Variants in APPL1 observed in about 807,000 individuals in gnomAD.
APPL1 encodes DCC-interacting protein 13-alpha.
A neutral mutation model predicts 106.8 loss-of-function variants in APPL1; 42 were observed. The observed-to-expected ratio is 0.39, with a 90% CI of 0.31 to 0.51. The LOEUF (loss-of-function observed/expected upper bound fraction) is 0.51, where lower values mean the gene tolerates loss of function less well. Among genes scored for constraint, APPL1 ranks in the 20% least tolerant of loss-of-function variants. APPL1 has a pLI of 0.75. For missense variants in APPL1, 769 were observed against 858.2 expected (o/e 0.90, Z 1.30); for synonymous variants, 263 against 281.8 (o/e 0.93, Z 0.67).
At position 57,270,639 on chromosome 3, in the gene APPL1, G is replaced by A. The variant is rs892378767; in HGVS notation, c.*952G>A. 6.6e-6 allele frequency: 1 copy of A among 152,538 alleles called. No individual in the cohort carries two copies. Among genetic ancestry groups the A allele is most frequent in the African/African-American group, 2.4e-5 (1 of 41,432 alleles). The allele number at this position is 152,538 out of a possible 1,614,324, so 9.4% of individuals were successfully genotyped here. ...GTAAAAATTCCCAGAGTTTAGTTTA[G>A]AAAATGTAATCTTTTAAATTTCAGA... On this transcript the variant is annotated 3_prime_UTR_variant, in exon 22 of 22. Coordinates refer to ENST00000288266, the MANE Select transcript of APPL1 (RefSeq NM_012096.3).
rs374776755 is a variant in APPL1 at position 57,256,976 on chromosome 3, A to G, written c.1172A>G (p.Asn391Ser). 2 of 1,614,024 alleles carry G rather than the reference A, an allele frequency of 1.2e-6. No homozygotes were observed. The highest frequency in any genetic ancestry group is 2.7e-5 in the African/African-American group (2 of 74,914). ...ENPEETAARV[N>S]QSALEAVTPS... ...AAATAGGAAACTGCTGCACGAGTAA[A>G]TCAATCAGCTCTGGAAGCTGTCACT... The change falls in exon 14 of 22, where the codon AAT becomes AGT. Residue 391 changes from asparagine (N) to serine (S), a missense_variant. Coordinates refer to ENST00000288266, the MANE Select transcript of APPL1 (RefSeq NM_012096.3).
intron 7 of APPL1, among the ~76,000 whole-genome samples, chr3:57,243,928 A>G (rs551715974): frequency 6.6e-6 from 1 of 152,288 alleles, no homozygotes; most frequent in East Asian, 1.9e-4. Context: ...TTGGGGGAAC[A>G]ACATGAATAG....
intron 1 of APPL1, among the ~76,000 whole-genome samples, chr3:57,232,726 G>T (rs747578452): frequency 1.1e-4 from 16 of 152,088 alleles, no homozygotes; most frequent in South Asian, 6.2e-4. Flanking sequence ...TCATGGGCCC[G>T]GTGCGGTGGC....
At chr3:57,236,777 T>C (rs1426025342) in intron 2 of APPL1, among the ~76,000 whole-genome samples, 1 of 152,238 alleles carries the variant, frequency 6.6e-6, no homozygotes, top group Non-Finnish European at 1.5e-5. Context: ...AATTTGAAGC[T>C]ATGTTTGGAT....
Position 57,227,821 on chromosome 3 carries a change from G to A in APPL1, c.-63G>A, listed in dbSNP as rs1393136304. 7.3e-7 allele frequency: 1 copy of A among 1,363,850 alleles called. No individual in the cohort carries two copies. Among genetic ancestry groups the A allele is most frequent in the Non-Finnish European group, 9.7e-7 (1 of 1,035,434 alleles). The allele number at this position is 1,363,850 out of a possible 1,614,324, so 84.5% of individuals were successfully genotyped here. A position where few individuals can be genotyped will look rare whatever the true frequency, so the allele number is the denominator to read the frequency against. On this transcript the variant is annotated 5_prime_UTR_variant, in exon 1 of 22. Transcript: ENST00000288266. Reference sequence around the variant, plus strand: ...CGGGCCGGGGTCAGCTGCGGCGGGCGGGCCGGCGCGGGGAGCTGTGGGCGG... The same window carrying A: ...CGGGCCGGGGTCAGCTGCGGCGGGCAGGCCGGCGCGGGGAGCTGTGGGCGG...
chr3:57,263,326 C>A (rs2060877481), intron 19 of APPL1, among the ~76,000 whole-genome samples: 1 of 152,010 alleles, frequency 6.6e-6, no homozygotes, highest in Admixed American at 6.6e-5. Context: ...TGACCGTAGT[C>A]CCCCGTTCTA....
At chr3:57,267,816 GCA>G in intron 20 of APPL1, 24 bp downstream of exon 20, 1 of 1,612,232 alleles carries the variant, frequency 6.2e-7, no homozygotes, top group Non-Finnish European at 8.5e-7. Flanking sequence ...ATGTGGCTGG[GCA>G]CAGTGGTTCA....
In APPL1 at chr3:57,237,539, A is replaced by T; in HGVS notation, c.201A>T (p.Glu67Asp). The change falls in exon 3 of 22, where the codon GAA (glutamate) becomes GAT (aspartate). Residue 67 changes from glutamate (E) to aspartate (D), a missense_variant. Glu to Asp is a conservative substitution (Grantham distance 45). Transcript: ENST00000288266. ...ATHLTSKLLKEYEKQRFPLGG... is the reference protein window; with the variant it reads ...ATHLTSKLLKDYEKQRFPLGG... ...ACCTGACCTCAAAACTTTTAAAAGA[A>T]TATGAAAAACAGGTATTGTATATCA... 3 of 1,598,884 alleles carry T rather than the reference A, an allele frequency of 1.9e-6. No individual in the cohort carries two copies. Among genetic ancestry groups the T allele is most frequent in the Non-Finnish European group, 2.6e-6 (3 of 1,171,524 alleles).
chr3:57,227,744 G>T lies in APPL1; in HGVS notation c.-140G>T. ...GGGATTTCCCGCACGGCCGCTCGGCGCCTGGAGAAGGCTGTGCGGGCGGGG... is the reference window on the plus strand; with the variant it reads ...GGGATTTCCCGCACGGCCGCTCGGCTCCTGGAGAAGGCTGTGCGGGCGGGG... On this transcript the variant is annotated 5_prime_UTR_variant, in exon 1 of 22. Transcript: ENST00000288266. 3.0e-6 allele frequency: 2 copies of T among 663,766 alleles called. No homozygotes were observed. Among genetic ancestry groups the T allele is most frequent in the Non-Finnish European group, 4.3e-6 (2 of 467,712 alleles). 41.1% of individuals were successfully genotyped at this position (663,766 alleles called of 1,614,324 possible).
chr3:57,260,032 C>T lies in APPL1; in HGVS notation c.1658+13C>T, dbSNP rs1463835702. ...GTGACTGTTTAAAGTAAGTAAAACCCTCCCTTAAAAAACTGTAGAAAAAAC... is the reference window on the plus strand; with the variant it reads ...GTGACTGTTTAAAGTAAGTAAAACCTTCCCTTAAAAAACTGTAGAAAAAAC... On this transcript the variant is annotated intron_variant, in intron 17 of 21. Coordinates refer to ENST00000288266, the MANE Select transcript of APPL1 (RefSeq NM_012096.3). 2.5e-6 allele frequency: 4 copies of T among 1,609,406 alleles called. No homozygotes were observed. The highest frequency in any genetic ancestry group is 1.7e-5 in the Admixed American group (1 of 58,486).
intron 2 of APPL1, 148 bp downstream of exon 2, chr3:57,235,812 G>T: frequency 1.8e-6 from 1 of 557,638 alleles, no homozygotes; most frequent in Non-Finnish European, 3.3e-6. Flanking sequence ...AATGAACATT[G>T]AGTGTATTAC....
chr3:57,250,006 G>T (rs948597770), intron 11 of APPL1, among the ~76,000 whole-genome samples: 1 of 152,190 alleles, frequency 6.6e-6, no homozygotes, highest in Non-Finnish European at 1.5e-5. Context: ...AAATTGTTGT[G>T]AGGAACAGAA....
At chr3:57,254,710 T>C (rs1159378524) in intron 13 of APPL1, among the ~76,000 whole-genome samples, 47 of 152,278 alleles carry the variant, frequency 3.1e-4, no homozygotes, top group African/African-American at 1.0e-3. Flanking sequence ...CTGCAGCCTC[T>C]GCCTCCCGGG....
Position 57,257,383 on chromosome 3 carries a change from GT to G in APPL1, c.1386del (p.Cys462TrpfsTer51). ...PIQFDIISPV[C>X]EDQPGQAKAF... Reference sequence around the variant, plus strand: ...CAGTTTGACATAATTTCTCCTGTGTGTGAAGATCAGCCTGGCCAGGCAAAAG... The same window carrying G: ...CAGTTTGACATAATTTCTCCTGTGTGGAAGATCAGCCTGGCCAGGCAAAAG... On this transcript the variant is annotated frameshift_variant, in exon 15 of 22. Coordinates refer to ENST00000288266, the MANE Select transcript of APPL1 (RefSeq NM_012096.3). LOFTEE classifies it high-confidence loss of function. The G allele has an allele frequency of 1.2e-6, 2 of 1,614,076 alleles. No individual in the cohort carries two copies. The highest frequency in any genetic ancestry group is 1.7e-6 in the Non-Finnish European group (2 of 1,179,984).
rs753768116 is a variant in APPL1 at position 57,269,701 on chromosome 3, G to A, written c.*14G>A. 1.9e-6 allele frequency: 3 copies of A among 1,612,812 alleles called. No individual in the cohort carries two copies. The highest frequency in any genetic ancestry group is 1.1e-5 in the South Asian group (1 of 90,784). The stretch of plus-strand genomic sequence containing the variant: ...TCAGAAGCATAAGCTTATACTTTTG[G>A]TAGATATTCCCCCTTGGAATTTGAC... On this transcript the variant is annotated 3_prime_UTR_variant, in exon 22 of 22. Transcript: ENST00000288266.
chr3:57,252,703 C>T (rs2060810752), intron 12 of APPL1, among the ~76,000 whole-genome samples: 2 of 152,124 alleles, frequency 1.3e-5, no homozygotes, highest in Non-Finnish European at 2.9e-5. Flanking sequence ...CAGGAAGCAA[C>T]TAAAGCTGAA....
chr3:57,246,358 T>A, intron 8 of APPL1, 136 bp downstream of exon 8: 3 of 595,274 alleles, frequency 5.0e-6, no homozygotes, highest in African/African-American at 1.9e-5. Flanking sequence ...AAGTTATTTT[T>A]AAAATGTCAT....
chr3:57,252,216 T>C, intron 11 of APPL1, 53 bp from the exon 12 acceptor site: 2 of 1,449,804 alleles, frequency 1.4e-6, no homozygotes, highest in East Asian at 2.3e-5. Flanking sequence ...CCTCGGATTA[T>C]GTTGAAAATA....
At position 57,248,272 on chromosome 3, in the gene APPL1, T is replaced by A; in HGVS notation, c.784T>A (p.Tyr262Asn). The A allele has an allele frequency of 6.2e-7, 1 of 1,614,146 alleles. No homozygotes were observed. Among genetic ancestry groups the A allele is most frequent in the Non-Finnish European group, 8.5e-7 (1 of 1,180,026 alleles). Reference sequence around the variant, plus strand: ...TTTGGAAGTAGCCAGTGATCCCTTATATGTGCCTGACCCAGACCCCACCAA... The same window carrying A: ...TTTGGAAGTAGCCAGTGATCCCTTAAATGTGCCTGACCCAGACCCCACCAA... ...EDLEVASDPL[Y>N]VPDPDPTKFP... is the part of the protein sequence containing the mutation. Residue 262 changes from tyrosine (Y) to asparagine (N), a missense_variant, in exon 10 of 22, where the codon TAT becomes AAT. Coordinates refer to ENST00000288266, the MANE Select transcript of APPL1 (RefSeq NM_012096.3).
Sources: allele counts gnomAD v4.1 joint callset (sites outside exome capture counted in the v4.1 genomes callset), GRCh38; gene constraint gnomAD v4.1.1; transcripts MANE v1.5; gene names NCBI Gene and HGNC (gene_info 2026-07-23, HGNC 2026-07-21).